PRR33: variants seen among roughly 807,000 people sequenced by gnomAD.
PRR33 encodes proline rich 33.
A neutral mutation model predicts 0.5 loss-of-function variants in PRR33; 1 was observed. The ratio of observed to expected loss-of-function variants is 2.18; its 90% CI spans 0.77 to 10.34. The LOEUF (loss-of-function observed/expected upper bound fraction) is 10.34. Among genes scored for constraint, PRR33 ranks in the 30% most tolerant of loss-of-function variants. The probability of loss-of-function intolerance (pLI) is 0.13; values close to 1 mark genes in which losing one functional copy is unlikely to be tolerated. For missense variants in PRR33, 552 were observed against 251.8 expected, an observed-to-expected ratio of 2.19 and a Z score of -8.07; for synonymous variants, 226 against 110.0, an observed-to-expected ratio of 2.06 and a Z score of -6.60.
At chr11:1,895,422 C>T (rs949582865), upstream of PRR33, among the ~76,000 whole-genome samples, 2 of 152,110 alleles carry the variant, frequency 1.3e-5, no homozygotes, top group Admixed American at 1.3e-4. Flanking sequence ...CGTGAGCCAC[C>T]GTGAGAGTTC....
chr11:1,910,304 C>T, the PRR33 span, among the ~76,000 whole-genome samples: 2 of 152,122 alleles, frequency 1.3e-5, no homozygotes, highest in Non-Finnish European at 2.9e-5. Flanking sequence ...GACTGGAGTG[C>T]AGTGGCATGA....
chr11:1,890,562 A>G lies in PRR33; in HGVS notation c.23T>C (p.Met8Thr), dbSNP rs571653545. The G allele has an allele frequency of 2.0e-3, 1,423 of 711,204 alleles. 5 individuals are homozygous for G. The highest frequency in any genetic ancestry group is 3.4e-3 in the East Asian group (127 of 37,262). 44.1% of individuals were successfully genotyped at this position (711,204 alleles called of 1,614,324 possible). ...GCTTGGGCCGCACACCTCGGGTGCCATCGACGCAGCCGATATGAGCATGAC... is the reference window on the plus strand; with the variant it reads ...GCTTGGGCCGCACACCTCGGGTGCCGTCGACGCAGCCGATATGAGCATGAC... The change falls in exon 1 of 1, where the codon ATG (methionine) becomes ACG (threonine). Residue 8 changes from methionine to threonine, a missense_variant. By Grantham distance (81) the Met-to-Thr change is moderately conservative (BLOSUM62 -1). Coordinates refer to ENST00000640310, the Ensembl canonical transcript of PRR33.
chr11:1,910,011 C>T, the PRR33 span, among the ~76,000 whole-genome samples: 3 of 151,910 alleles, frequency 2.0e-5, no homozygotes, highest in African/African-American at 4.8e-5. Flanking sequence ...TTCACCCCCA[C>T]CCCAATGTGG....
At chr11:1,901,220 G>C in the PRR33 span, among the ~76,000 whole-genome samples, 2 of 152,122 alleles carry the variant, frequency 1.3e-5, no homozygotes, top group African/African-American at 4.8e-5. Context: ...GCTGAGGCAG[G>C]AGAATCGCTT....
At chr11:1,903,097 C>T in the PRR33 span, 1 of 152,140 alleles carries the variant, frequency 6.6e-6, no homozygotes, top group African/African-American at 2.4e-5. Context: ...CCTCCTGTCT[C>T]ATCCAGTGAC....
chr11:1,915,031 A>G, the PRR33 span, among the ~76,000 whole-genome samples: 1 of 144,482 alleles, frequency 6.9e-6, no homozygotes, highest in Non-Finnish European at 1.5e-5. Context: ...GTGGGGACAC[A>G]CGGATGATGT....
chr11:1,888,932 C>T (rs369765656), exon 1 of PRR33: 19 of 483,716 alleles, frequency 3.9e-5, no homozygotes, highest in African/African-American at 3.4e-4. Flanking sequence ...CCAGGGGCTC[C>T]AGCTCGTCCT....
chr11:1,917,006 G>A, the PRR33 span, among the ~76,000 whole-genome samples: 1 of 152,240 alleles, frequency 6.6e-6, no homozygotes, highest in East Asian at 1.9e-4. Context: ...CCCTAGGCCA[G>A]CCACAGAGAA....
the PRR33 span, among the ~76,000 whole-genome samples, chr11:1,915,683 TTCTG>T: frequency 4.1e-3 from 1 of 242 alleles, no homozygotes; most frequent in African/African-American, 0.022. Flanking sequence ...GGGGTGATGT[TTCTG>T]TGTGTGTGTG....
chr11:1,901,280 C>T, the PRR33 span, among the ~76,000 whole-genome samples: 1 of 151,850 alleles, frequency 6.6e-6, no homozygotes, highest in Non-Finnish European at 1.5e-5. Flanking sequence ...CCATTGCACT[C>T]CAGCCTGGGC....
the PRR33 span, among the ~76,000 whole-genome samples, chr11:1,905,324 G>T: frequency 6.6e-6 from 1 of 150,762 alleles, no homozygotes; most frequent in Admixed American, 6.6e-5. Flanking sequence ...ACAGGTTTTC[G>T]CCATGTTGGC....
At chr11:1,889,695 G>A in exon 1 of PRR33, 1 of 640,198 alleles carries the variant, frequency 1.6e-6, no homozygotes, top group Non-Finnish European at 2.9e-6. Flanking sequence ...AGCCATCGGG[G>A]GCTCCTCCAG....
the PRR33 span, among the ~76,000 whole-genome samples, chr11:1,902,149 C>G: frequency 2.0e-5 from 3 of 151,544 alleles, no homozygotes; most frequent in Admixed American, 6.6e-5. Flanking sequence ...GGAGAATGGT[C>G]TGAACCCGGG....
chr11:1,910,427 T>A, the PRR33 span, among the ~76,000 whole-genome samples: 1 of 152,246 alleles, frequency 6.6e-6, no homozygotes, highest in East Asian at 1.9e-4. Flanking sequence ...GTTTTGTATT[T>A]TTAGTAGAGA....
chr11:1,903,319 C>T, the PRR33 span: 1 of 98,370 alleles, frequency 1.0e-5, no homozygotes, highest in Admixed American at 1.2e-4. Flanking sequence ...AGCTGTGGAG[C>T]GGGGGGTGGG....
exon 1 of PRR33, chr11:1,891,487 C>A (rs1205757810): frequency 6.6e-6 from 1 of 152,322 alleles, no homozygotes; most frequent in Non-Finnish European, 1.5e-5. Flanking sequence ...AACCCCAGTT[C>A]TAGCTCCCAG....
the PRR33 span, chr11:1,902,653 AG>A: frequency 2.6e-5 from 4 of 152,086 alleles, no homozygotes; most frequent in Non-Finnish European, 5.9e-5. Flanking sequence ...CAATTGTTAC[AG>A]GAGAGGGGTC....
At chr11:1,917,210 T>C in the PRR33 span, among the ~76,000 whole-genome samples, 3 of 152,080 alleles carry the variant, frequency 2.0e-5, no homozygotes, top group Non-Finnish European at 4.4e-5. Flanking sequence ...GCCTGGGGGC[T>C]CAGGTCAGCT....
chr11:1,900,372 A>G, the PRR33 span, among the ~76,000 whole-genome samples: 14 of 152,296 alleles, frequency 9.2e-5, no homozygotes, highest in African/African-American at 3.4e-4. Context: ...CTTGGTATTC[A>G]ATTAATTTTT....
Sources: allele counts gnomAD v4.1 joint callset (sites outside exome capture counted in the v4.1 genomes callset), GRCh38; gene constraint gnomAD v4.1.1; transcripts MANE v1.5; gene names NCBI Gene and HGNC (gene_info 2026-07-23, HGNC 2026-07-21).